ZBTB20: variants seen among roughly 807,000 people sequenced by gnomAD.
ZBTB20 encodes zinc finger and BTB domain-containing protein 20.
In ZBTB20, 9 loss-of-function variants were observed where a neutral mutation model predicts 56.9. The ratio of observed to expected loss-of-function variants is 0.16; its 90% CI spans 0.10 to 0.28. The LOEUF (loss-of-function observed/expected upper bound fraction) is 0.28. ZBTB20 is among the 10% of genes least tolerant of loss of function. The probability of loss-of-function intolerance (pLI) is 1.00; values close to 1 mark genes in which losing one functional copy is unlikely to be tolerated. For synonymous variants in ZBTB20, 417 were observed against 420.7 expected (o/e 0.99, Z 0.11); for missense variants, 655 against 1,003.0 (o/e 0.65, Z 4.69).
chr3:114,924,081 G>A (rs1233489418), intron 3 of ZBTB20, among the ~76,000 whole-genome samples: 2 of 152,104 alleles, frequency 1.3e-5, no homozygotes, highest in African/African-American at 4.8e-5. Flanking sequence ...GTGGAGAAAC[G>A]AAAACACTTG....
intron 4 of ZBTB20, among the ~76,000 whole-genome samples, chr3:114,803,871 TTGTTTCTCACATTTCAGGTTCCAAAATC>T (rs1011487135): frequency 6.6e-6 from 1 of 151,576 alleles, no homozygotes; most frequent in African/African-American, 2.4e-5. Flanking sequence ...ATAAGAAAAC[TTGTTTCTCACATTTCAGGTTCCAAAATC>T]TGTTAAAATT....
chr3:114,851,873 C>A (rs1458549122), intron 4 of ZBTB20, among the ~76,000 whole-genome samples: 2 of 152,008 alleles, frequency 1.3e-5, no homozygotes, highest in Non-Finnish European at 2.9e-5. Flanking sequence ...TTCTGTAATG[C>A]CTCTTAAGCA....
intron 5 of ZBTB20, among the ~76,000 whole-genome samples, chr3:114,752,395 A>G (rs1002110879): frequency 2.0e-5 from 3 of 152,164 alleles, no homozygotes; most frequent in African/African-American, 7.2e-5. Flanking sequence ...GAAATGAGTT[A>G]AGGTTTGAAT....
intron 6 of ZBTB20, among the ~76,000 whole-genome samples, chr3:114,645,879 T>G (rs2059806727): frequency 2.6e-5 from 4 of 152,130 alleles, no homozygotes; most frequent in Admixed American, 2.0e-4. Context: ...CTTAGTTTTT[T>G]GCCAAACAAA....
At chr3:115,026,489 A>G (rs570258004) in intron 2 of ZBTB20, among the ~76,000 whole-genome samples, 1 of 151,120 alleles carries the variant, frequency 6.6e-6, no homozygotes, top group East Asian at 2.0e-4. Context: ...TATTGTGACA[A>G]TCAGACGGAC....
At chr3:114,976,661 TG>T (rs2078114641) in intron 2 of ZBTB20, among the ~76,000 whole-genome samples, 1 of 151,968 alleles carries the variant, frequency 6.6e-6, no homozygotes, top group Non-Finnish European at 1.5e-5. Context: ...CCGTTTGAAT[TG>T]TTTTAGGATT....
chr3:114,552,194 G>A (rs918830354), intron 6 of ZBTB20, among the ~76,000 whole-genome samples: 13 of 152,138 alleles, frequency 8.5e-5, no homozygotes, highest in Non-Finnish European at 1.3e-4. Context: ...CCTGGGTGAC[G>A]GAGCGAGACC....
intron 7 of ZBTB20, among the ~76,000 whole-genome samples, chr3:114,469,454 A>G (rs919695879): frequency 1.3e-5 from 2 of 152,188 alleles, no homozygotes; most frequent in African/African-American, 4.8e-5. Context: ...GATGATATCT[A>G]ATGATAATTT....
At chr3:114,841,922 T>C (rs2074401210) in intron 4 of ZBTB20, among the ~76,000 whole-genome samples, 1 of 152,186 alleles carries the variant, frequency 6.6e-6, no homozygotes, top group African/African-American at 2.4e-5. Context: ...TCAGAGAACA[T>C]CAACTTTAGT....
At chr3:114,422,073 T>C (rs762060660) in intron 7 of ZBTB20, among the ~76,000 whole-genome samples, 2 of 152,186 alleles carry the variant, frequency 1.3e-5, no homozygotes, top group African/African-American at 4.8e-5. Context: ...CACAAGTAGA[T>C]GAAGTTTAGA....
rs185616677 is a variant in ZBTB20, at chr3:114,448,062, G to A, written c.-255+52290C>T. ...ACAGAAAGAAAATCTCTAGCTGGCA[G>A]GTTGGGCAGCCTAGGTAAGAAGGGA... On this transcript the variant is annotated intron_variant, in intron 7 of 11. Transcript: ENST00000675478. Among the ~76,000 whole-genome samples, 492 of 152,238 alleles carry A rather than the reference G, an allele frequency of 3.2e-3. 6 individuals are homozygous for A. Among genetic ancestry groups the A allele is most frequent in the Non-Finnish European group, 5.7e-4 (39 of 68,004 alleles).
At chr3:115,126,682 C>A (rs2084342838) in intron 1 of ZBTB20, among the ~76,000 whole-genome samples, 1 of 151,974 alleles carries the variant, frequency 6.6e-6, no homozygotes. Flanking sequence ...TGACCATCTG[C>A]AGGAGTAATA....
intron 5 of ZBTB20, among the ~76,000 whole-genome samples, chr3:114,730,631 G>A (rs1013923376): frequency 1.3e-5 from 2 of 152,288 alleles, no homozygotes; most frequent in African/African-American, 4.8e-5. Flanking sequence ...GCTGTGTAAG[G>A]ACACAGCAGC....
intron 3 of ZBTB20, chr3:114,930,469 C>G (rs1576354693): frequency 6.5e-6 from 1 of 153,068 alleles, no homozygotes; most frequent in East Asian, 1.9e-4. Context: ...TGAGCAGCCC[C>G]ACCACCGCCC....
intron 7 of ZBTB20, among the ~76,000 whole-genome samples, chr3:114,416,964 C>T (rs1171055412): frequency 6.6e-6 from 1 of 152,030 alleles, no homozygotes; most frequent in East Asian, 1.9e-4. Flanking sequence ...AATTTCAGCA[C>T]ACCACTGAAA....
intron 6 of ZBTB20, chr3:114,687,212 T>G (rs923359409): frequency 2.0e-5 from 3 of 152,098 alleles, no homozygotes; most frequent in Admixed American, 6.6e-5. Context: ...GAAATGTTTT[T>G]TTTTTTTTTT....
At position 115,017,500 on chromosome 3, in the gene ZBTB20, T is replaced by C. The variant is rs913678684; in HGVS notation, c.-506-43084A>G. On this transcript the variant is annotated intron_variant, in intron 2 of 11. Transcript: ENST00000675478. Reference sequence around the variant, plus strand: ...CAATGCTATTTCCATTAAACTATCATTGGTAAATCTTTTTAAGAAAAATTT... The same window carrying C: ...CAATGCTATTTCCATTAAACTATCACTGGTAAATCTTTTTAAGAAAAATTT... 3.5e-4 allele frequency among the ~76,000 whole-genome samples: 53 copies of C among 151,508 alleles called. 1 individual carries two copies. Among genetic ancestry groups the C allele is most frequent in the Middle Eastern group, 3.2e-3 (1 of 316 alleles).
chr3:114,880,053 T>G (rs777517240), intron 4 of ZBTB20, among the ~76,000 whole-genome samples: 1 of 152,266 alleles, frequency 6.6e-6, no homozygotes, highest in Non-Finnish European at 1.5e-5. Context: ...TGCCAGTTAA[T>G]GTACCCTGAA....
chr3:114,985,886 CT>C (rs1369345372), intron 2 of ZBTB20, among the ~76,000 whole-genome samples: 1 of 152,080 alleles, frequency 6.6e-6, no homozygotes, highest in Non-Finnish European at 1.5e-5. Flanking sequence ...CATAAAGTTT[CT>C]GTTTCAACTA....
Sources: gnomAD v4.1 joint callset for allele counts (sites outside exome capture counted in the v4.1 genomes callset) on GRCh38, gnomAD v4.1.1 for gene constraint, MANE v1.5 for transcripts, NCBI Gene and HGNC (gene_info 2026-07-23, HGNC 2026-07-21) for gene names.